The following DCC variants were observed in gnomAD, a reference collection of about 807,000 sequenced individuals.
DCC encodes the protein DCC netrin 1 receptor, also known as netrin receptor DCC.
DCC carries 58 observed loss-of-function variants against 172.5 expected under a neutral mutation model. The ratio of observed to expected loss-of-function variants is 0.34; its 90% confidence interval spans 0.27 to 0.42. DCC has a LOEUF of 0.42. Ranked by LOEUF, DCC falls within the 10% of genes least tolerant of loss-of-function variation. DCC has a pLI of 1.00. For synonymous variants in DCC, 709 were observed against 644.5 expected (o/e 1.10, Z -1.52); for missense variants, 1,740 against 1,791.0 (o/e 0.97, Z 0.51).
Position 53,342,730 on chromosome 18 carries a change from A to AATAT in DCC, c.2359+2838_2359+2841dup, listed in dbSNP as rs58516702. ...AATATACATATATTAGAAATACCCAAATATATATATATATATATGGATATA... is the reference window on the plus strand; with the variant it reads ...AATATACATATATTAGAAATACCCAAATATATATATATATATATATATGGATATA... On this transcript the variant is annotated intron_variant, in intron 15 of 28. Transcript: ENST00000442544. Among the ~76,000 whole-genome samples the AATAT allele has an allele frequency of 7.4e-3, 1,064 of 143,432 alleles. 12 individuals carry two copies. The highest frequency in any genetic ancestry group is 0.022 in the African/African-American group (869 of 39,808). 94.1% of individuals were successfully genotyped at this position (143,432 alleles called of 152,430 possible).
chr18:52,700,143 G>T (rs1344022229), intron 1 of DCC, among the ~76,000 whole-genome samples: 1 of 151,106 alleles, frequency 6.6e-6, no homozygotes, highest in African/African-American at 2.4e-5. Flanking sequence ...TCGCTCTCTT[G>T]CCCCACACAC....
intron 1 of DCC, among the ~76,000 whole-genome samples, chr18:52,625,580 A>G (rs2034558307): frequency 6.6e-6 from 1 of 152,110 alleles, no homozygotes; most frequent in Non-Finnish European, 1.5e-5. Flanking sequence ...CATTACATTA[A>G]CATGCTTTGG....
intron 15 of DCC, among the ~76,000 whole-genome samples, chr18:53,366,510 T>C (rs1170833662): frequency 1.3e-5 from 2 of 152,110 alleles, no homozygotes; most frequent in East Asian, 1.9e-4. Flanking sequence ...CATGACTTCA[T>C]TGTGAATAAG....
intron 12 of DCC, among the ~76,000 whole-genome samples, chr18:53,246,322 T>C (rs774531267): frequency 1.3e-5 from 2 of 152,042 alleles, no homozygotes; most frequent in Admixed American, 6.6e-5. Context: ...GTAATATTTA[T>C]AGCCCTAACT....
chr18:53,454,361 A>G (rs12965786), intron 23 of DCC, among the ~76,000 whole-genome samples: 1 of 152,212 alleles, frequency 6.6e-6, no homozygotes, highest in Non-Finnish European at 1.5e-5. Flanking sequence ...AAAAAAAGAA[A>G]CAAAACTTAA....
At chr18:52,750,895 G>A (rs375353244) in intron 1 of DCC, among the ~76,000 whole-genome samples, 24 of 151,900 alleles carry the variant, frequency 1.6e-4, no homozygotes, top group Admixed American at 1.0e-3. Flanking sequence ...GGTTGCTATC[G>A]TGGAAAAAAA....
chr18:53,110,384 G>A (rs1037237466), intron 7 of DCC, among the ~76,000 whole-genome samples: 10 of 151,616 alleles, frequency 6.6e-5, no homozygotes, highest in Admixed American at 6.6e-5. Context: ...TGGAGGTTAA[G>A]CAAAATAAGA....
At chr18:52,616,755 G>A (rs2034389260) in intron 1 of DCC, among the ~76,000 whole-genome samples, 1 of 152,094 alleles carries the variant, frequency 6.6e-6, no homozygotes, top group African/African-American at 2.4e-5. Flanking sequence ...TGAGAAAAAG[G>A]TGTTATTTGC....
chr18:53,047,462 TACC>T (rs1568268492), intron 5 of DCC, among the ~76,000 whole-genome samples: 16 of 88,640 alleles, frequency 1.8e-4, no homozygotes, highest in Non-Finnish European at 2.8e-4. Context: ...TATATATATA[TACC>T]ATTTTTGCTA....
chr18:53,134,503 GA>G (rs1430759451), intron 7 of DCC, among the ~76,000 whole-genome samples: 1 of 152,108 alleles, frequency 6.6e-6, no homozygotes, highest in Non-Finnish European at 1.5e-5. Context: ...TCTTAAATAT[GA>G]AGGAGATTTG....
At chr18:52,987,977 C>A (rs1347873996) in intron 5 of DCC, among the ~76,000 whole-genome samples, 3 of 152,162 alleles carry the variant, frequency 2.0e-5, no homozygotes, top group Non-Finnish European at 1.5e-5. Flanking sequence ...AGCAAAGCTG[C>A]CAATATTTAC....
chr18:52,898,003 G>C (rs1025382298), intron 2 of DCC, among the ~76,000 whole-genome samples: 8 of 152,188 alleles, frequency 5.3e-5, no homozygotes, highest in African/African-American at 1.9e-4. Flanking sequence ...TGTCTCTTTG[G>C]CTTGCCTCTA....
intron 2 of DCC, among the ~76,000 whole-genome samples, chr18:52,803,416 A>C (rs2038029952): frequency 1.3e-5 from 2 of 152,134 alleles, no homozygotes; most frequent in African/African-American, 4.8e-5. Context: ...ACTACAGTTA[A>C]TTTTATGCAT....
chr18:53,463,027 T>G (rs1179521966), intron 24 of DCC, among the ~76,000 whole-genome samples: 3 of 152,258 alleles, frequency 2.0e-5, no homozygotes, highest in Non-Finnish European at 4.4e-5. Flanking sequence ...TAAACAGGCT[T>G]TCGCCTGGGG....
intron 3 of DCC, among the ~76,000 whole-genome samples, chr18:52,921,337 A>C (rs1231218522): frequency 6.6e-6 from 1 of 152,018 alleles, no homozygotes; most frequent in African/African-American, 2.4e-5. Context: ...GTAAATAAAA[A>C]ATTTTAAATA....
chr18:52,890,805 G>C (rs1424212908), intron 2 of DCC, among the ~76,000 whole-genome samples: 1 of 152,062 alleles, frequency 6.6e-6, no homozygotes, highest in Non-Finnish European at 1.5e-5. Context: ...AAATTCTGAG[G>C]CTAAGAGAAG....
intron 1 of DCC, among the ~76,000 whole-genome samples, chr18:52,529,640 G>C (rs571968295): frequency 1.3e-5 from 2 of 152,242 alleles, no homozygotes; most frequent in African/African-American, 4.8e-5. Flanking sequence ...GTTCTTCCAG[G>C]TTTCTTCAAA....
chr18:52,663,157 T>C (rs1157844433), intron 1 of DCC, among the ~76,000 whole-genome samples: 1 of 152,212 alleles, frequency 6.6e-6, no homozygotes, highest in African/African-American at 2.4e-5. Flanking sequence ...TAGAATTCTG[T>C]GTGCAGCCAA....
intron 13 of DCC, among the ~76,000 whole-genome samples, chr18:53,311,101 TTTCA>T (rs997772295): frequency 2.2e-4 from 32 of 145,312 alleles, no homozygotes; most frequent in Middle Eastern, 7.1e-3. Context: ...TTTTATTTTA[TTTCA>T]TTTATTTATT....
Sources: allele counts gnomAD v4.1 joint callset (sites outside exome capture counted in the v4.1 genomes callset), GRCh38; gene constraint gnomAD v4.1.1; transcripts MANE v1.5; gene names NCBI Gene and HGNC (gene_info 2026-07-23, HGNC 2026-07-21).